Variants in AKNA observed in about 807,000 individuals in gnomAD.
AKNA encodes the protein AT-hook transcription factor.
In AKNA, 67 loss-of-function variants were observed where a neutral mutation model predicts 138.8. The observed-to-expected ratio is 0.48, with a 90% confidence interval of 0.40 to 0.59. The LOEUF (loss-of-function observed/expected upper bound fraction) is 0.59, where lower values mean the gene tolerates loss of function less well. Among genes scored for constraint, AKNA ranks in the 20% least tolerant of loss-of-function variants. The probability of loss-of-function intolerance (pLI) is 0.00; values close to 1 mark genes in which losing one functional copy is unlikely to be tolerated. For missense variants in AKNA, 1,813 were observed against 1,880.4 expected (o/e 0.96, Z 0.66); for synonymous variants, 737 against 754.4 (o/e 0.98, Z 0.38).
intron 11 of AKNA, 109 bp downstream of exon 11, chr9:114,359,485 G>T: frequency 6.3e-7 from 1 of 1,584,418 alleles, no homozygotes. Flanking sequence ...GGCAGGACAG[G>T]TAAGCCATGT....
rs745435641 is a variant in AKNA, at chr9:114,361,804, A to G, written c.2024T>C (p.Leu675Pro). ...GCAGGGCAGGGCTGGGGTGCTGTCC[A>G]GAGCTGAGTCTGACCCGGGCGGCTC... ...EPEPPGSDSALDSTPALPCLH... is the reference protein window; with the variant it reads ...EPEPPGSDSAPDSTPALPCLH... Residue 675 changes from leucine (L) to proline (P), a missense_variant, in exon 9 of 22, where the codon CTG becomes CCG. Transcript: ENST00000374088. 4 of 1,613,808 alleles carry G rather than the reference A, an allele frequency of 2.5e-6. No homozygotes were observed. The East Asian group carries it at 8.9e-5, about 36-fold the overall frequency.
At chr9:114,330,894 C>G, downstream of AKNA, 1 of 1,590,288 alleles carries the variant, frequency 6.3e-7, no homozygotes. Context: ...GGAGGGTTCA[C>G]CGTGGGAACA....
chr9:114,341,412 C>G, intron 21 of AKNA, 121 bp downstream of exon 21: 1 of 1,248,224 alleles, frequency 8.0e-7, no homozygotes, highest in Non-Finnish European at 1.1e-6. Context: ...GCATGTTATC[C>G]ACGCAGGGAT....
At chr9:114,384,870 T>C (rs953751928) in intron 1 of AKNA, among the ~76,000 whole-genome samples, 4 of 152,216 alleles carry the variant, frequency 2.6e-5, no homozygotes, top group Non-Finnish European at 4.4e-5. Flanking sequence ...TTTTATTTTA[T>C]TGAGACAGGG....
At position 114,358,218 on chromosome 9, in the gene AKNA, G is replaced by A. The variant is rs369366602; in HGVS notation, c.2493-51C>T. The A allele has an allele frequency of 6.5e-4, 1,049 of 1,607,616 alleles. 2 individuals carry two copies. The highest frequency in any genetic ancestry group is 5.5e-4 in the Non-Finnish European group (650 of 1,179,072). Reference sequence around the variant, plus strand: ...TTGAGTTCTGCCAGGCAGCCCTGACGCAGGGGTTGGCCTGTCCTGGGAGCC... The same window carrying A: ...TTGAGTTCTGCCAGGCAGCCCTGACACAGGGGTTGGCCTGTCCTGGGAGCC... On this transcript the variant is annotated intron_variant, in intron 11 of 21. Transcript: ENST00000374088.
At chr9:114,368,716 G>T in intron 4 of AKNA, 121 bp from the exon 5 acceptor site, 1 of 903,038 alleles carries the variant, frequency 1.1e-6, no homozygotes, top group Non-Finnish European at 1.5e-6. Flanking sequence ...CCATCTTTCA[G>T]TGCAGCCCTT....
intron 4 of AKNA, among the ~76,000 whole-genome samples, 174 bp downstream of exon 4, chr9:114,373,919 G>GCAAGGTCACTGCC (rs1323799494): frequency 6.8e-6 from 1 of 147,866 alleles, no homozygotes; most frequent in Admixed American, 6.8e-5. Context: ...CCCAGGGAAG[G>GCAAGGTCACTGCC]CAAGGTCACT....
At chr9:114,330,979 T>C (rs1335155177), downstream of AKNA, 1 of 781,560 alleles carries the variant, frequency 1.3e-6, no homozygotes, top group African/African-American at 1.8e-5. Flanking sequence ...ACCACTAACA[T>C]TTTTGAGCTC....
At position 114,337,012 on chromosome 9, in the gene AKNA, T is replaced by TGGGGGGGGGGCGG; in HGVS notation, c.*41_*42insCCGCCCCCCCCCC. On this transcript the variant is annotated 3_prime_UTR_variant, in exon 22 of 22. Coordinates refer to ENST00000374088, the MANE Select transcript of AKNA (RefSeq NM_001317950.2). Reference sequence around the variant, plus strand: ...CCCACTCCTGGCCTGGCAGGCCACCTGCCCACCCACCCACCCATCTGCCTC... The same window carrying TGGGGGGGGGGCGG: ...CCCACTCCTGGCCTGGCAGGCCACCTGGGGGGGGGGCGGGCCCACCCACCCACCCATCTGCCTC... The TGGGGGGGGGGCGG allele has an allele frequency of 8.3e-7, 1 of 1,208,224 alleles. No individual in the cohort carries two copies. Among genetic ancestry groups the TGGGGGGGGGGCGG allele is most frequent in the Non-Finnish European group, 1.1e-6 (1 of 929,350 alleles). The allele number at this position is 1,208,224 out of a possible 1,614,324, so 74.8% of individuals were successfully genotyped here.
upstream of AKNA, among the ~76,000 whole-genome samples, chr9:114,389,222 C>T (rs116423564): frequency 2.1e-3 from 325 of 151,912 alleles, no homozygotes; most frequent in African/African-American, 7.4e-3. Flanking sequence ...CGGGGCAGAG[C>T]GAGTCAAGCG....
intron 1 of AKNA, among the ~76,000 whole-genome samples, chr9:114,381,822 G>A (rs1303828187): frequency 5.3e-4 from 80 of 151,802 alleles, no homozygotes; most frequent in Non-Finnish European, 1.0e-4. Context: ...CACCACACCC[G>A]GCTAATTTTT....
intron 21 of AKNA, 64 bp from the exon 22 acceptor site, chr9:114,337,370 C>A (rs773745664): frequency 7.3e-7 from 1 of 1,367,504 alleles, no homozygotes. Context: ...CGAGGAGCAC[C>A]GTGTGTGGGG....
intron 1 of AKNA, among the ~76,000 whole-genome samples, chr9:114,385,357 G>A (rs1191145193): frequency 6.6e-6 from 1 of 152,184 alleles, no homozygotes; most frequent in Admixed American, 6.5e-5. Flanking sequence ...TTTTAAACCA[G>A]GGCCTCAGGC....
rs549404488 is a variant in AKNA, at chr9:114,356,956, G to A, written c.2753C>T (p.Ala918Val). 24 of 1,579,980 alleles carry A rather than the reference G, an allele frequency of 1.5e-5. No homozygotes were observed. Among genetic ancestry groups the A allele is most frequent in the East Asian group, 1.2e-4 (5 of 41,124 alleles). ...GGPHLEETWMASPETDSGFVG... is the reference protein window; with the variant it reads ...GGPHLEETWMVSPETDSGFVG... Reference sequence around the variant, plus strand: ...AAAGCCACTGTCTGTCTCTGGGGACGCCATCCAGGTCTCCTGAAAGAGGCA... The same window carrying A: ...AAAGCCACTGTCTGTCTCTGGGGACACCATCCAGGTCTCCTGAAAGAGGCA... Residue 918 changes from alanine to valine, a missense_variant, in exon 13 of 22, where the codon GCG becomes GTG. Transcript: ENST00000374088.
chr9:114,369,065 T>A (rs1832580269), intron 4 of AKNA, among the ~76,000 whole-genome samples: 1 of 152,248 alleles, frequency 6.6e-6, no homozygotes, highest in East Asian at 1.9e-4. Context: ...ATTATACTGA[T>A]AATAATAGCA....
intron 21 of AKNA, among the ~76,000 whole-genome samples, chr9:114,338,965 G>A (rs1038776): frequency 0.4 from 60,118 of 151,990 alleles, 13,377 homozygotes; most frequent in East Asian, 0.53. Flanking sequence ...CTGTATGAAC[G>A]GGCTTCTTGC....
chr9:114,345,556 C>T (rs1243532289), intron 18 of AKNA: 4 of 263,000 alleles, frequency 1.5e-5, no homozygotes, highest in Non-Finnish European at 2.9e-5. Context: ...TGCTCCGAGC[C>T]GGAAAAGCAC....
chr9:114,382,168 GCACGGGGGCTGCCCTGA>G (rs1461550434), intron 1 of AKNA, among the ~76,000 whole-genome samples: 1 of 152,218 alleles, frequency 6.6e-6, no homozygotes, highest in Non-Finnish European at 1.5e-5. Flanking sequence ...GCTGGAGGAG[GCACGGGGGCTGCCCTGA>G]CACAGGCCAG....
chr9:114,396,020 A>T (rs150806488), upstream of AKNA, among the ~76,000 whole-genome samples: 4 of 152,272 alleles, frequency 2.6e-5, no homozygotes, highest in Non-Finnish European at 5.9e-5. Context: ...TATCTGTACA[A>T]GAGGGACAAC....
Sources: allele counts gnomAD v4.1 joint callset (sites outside exome capture counted in the v4.1 genomes callset), GRCh38; gene constraint gnomAD v4.1.1; transcripts MANE v1.5; gene names NCBI Gene and HGNC (gene_info 2026-07-23, HGNC 2026-07-21).